JPH3: variants seen among roughly 807,000 people sequenced by gnomAD.
JPH3 encodes junctophilin-3.
JPH3 carries 11 observed loss-of-function variants against 59.6 expected under a neutral mutation model. That is an observed-to-expected ratio of 0.18 (90% CI 0.12 to 0.31). The LOEUF is 0.31. Among genes scored for constraint, JPH3 ranks in the 10% least tolerant of loss-of-function variants. JPH3 has a pLI of 1.00. For missense variants in JPH3, 1,202 were observed against 1,105.7 expected, an observed-to-expected ratio of 1.09 and a Z score of -1.24; for synonymous variants, 673 against 483.6, an observed-to-expected ratio of 1.39 and a Z score of -5.14.
intron 2 of JPH3, among the ~76,000 whole-genome samples, chr16:87,655,367 GTGACAGGGTGT>G (rs1252423851): frequency 3.2e-4 from 35 of 109,630 alleles, no homozygotes; most frequent in African/African-American, 8.9e-4. Context: ...GTTATTTTTT[GTGACAGGGTGT>G]TGTTCTGCTC....
chr16:87,662,374 A>AAACCAG (rs2032732252), intron 2 of JPH3, among the ~76,000 whole-genome samples: 1 of 152,070 alleles, frequency 6.6e-6, no homozygotes, highest in South Asian at 2.1e-4. Flanking sequence ...ACCAAAACCA[A>AAACCAG]AAGGACAGCC....
intron 1 of JPH3, among the ~76,000 whole-genome samples, chr16:87,623,370 C>G (rs2031259344): frequency 6.6e-6 from 1 of 152,200 alleles, no homozygotes; most frequent in African/African-American, 2.4e-5. Context: ...GGGCGTGAGG[C>G]TCATGGGGGG....
chr16:87,626,009 T>C (rs151298666), intron 1 of JPH3, among the ~76,000 whole-genome samples: 31 of 152,274 alleles, frequency 2.0e-4, no homozygotes, highest in African/African-American at 7.5e-4. Context: ...AATCTCCAGA[T>C]TGGCCACTCC....
intron 2 of JPH3, among the ~76,000 whole-genome samples, chr16:87,656,845 A>T (rs1188105025): frequency 6.6e-6 from 1 of 152,142 alleles, no homozygotes; most frequent in African/African-American, 2.4e-5. Flanking sequence ...TGAAAACTGG[A>T]CAGTCCAAAT....
Position 87,603,014 on chromosome 16 carries a change from G to A in JPH3, c.-133G>A, listed in dbSNP as rs1320302232. ...GCCGCGGCCGCCCGCGCCCGAGACC[G>A]CGCTCCGGGGCCGCGTCCTCCTCTC... On this transcript the variant is annotated 5_prime_UTR_variant, in exon 1 of 5. Transcript: ENST00000284262. 8.9e-7 allele frequency: 1 copy of A among 1,118,650 alleles called. No individual in the cohort carries two copies. The highest frequency in any genetic ancestry group is 1.6e-5 in the South Asian group (1 of 61,940). The allele number at this position is 1,118,650 out of a possible 1,614,324, so 69.3% of individuals were successfully genotyped here. A position where few individuals can be genotyped will look rare whatever the true frequency, so the allele number is the denominator to read the frequency against.
At chr16:87,640,557 G>GT (rs1289157707) in intron 1 of JPH3, among the ~76,000 whole-genome samples, 1 of 151,576 alleles carries the variant, frequency 6.6e-6, no homozygotes, top group Non-Finnish European at 1.5e-5. Context: ...TGCCTAGCTA[G>GT]TTTTTTTGTA....
chr16:87,638,399 T>C (rs949962602), intron 1 of JPH3, among the ~76,000 whole-genome samples: 6 of 151,294 alleles, frequency 4.0e-5, no homozygotes, highest in African/African-American at 1.5e-4. Context: ...GAGCACAGGG[T>C]GGGGGTGCTG....
intron 3 of JPH3, among the ~76,000 whole-genome samples, chr16:87,686,417 TGGAGGG>T (rs1178156068): frequency 2.5e-4 from 33 of 132,398 alleles, no homozygotes; most frequent in African/African-American, 3.9e-4. Flanking sequence ...AGATGCTTCC[TGGAGGG>T]CTCAGTTCTG....
chr16:87,668,221 C>T (rs1441940312), intron 2 of JPH3, among the ~76,000 whole-genome samples: 2 of 152,218 alleles, frequency 1.3e-5, no homozygotes, highest in Non-Finnish European at 2.9e-5. Context: ...CAGCCCTGCG[C>T]GGCTGCTGGA....
rs185182905 is a variant in JPH3 at position 87,664,925 on chromosome 16, C to T, written c.1161-19217C>T. 9.8e-5 allele frequency among the ~76,000 whole-genome samples: 15 copies of T among 152,336 alleles called. No individual in the cohort carries two copies. The East Asian group carries it at 2.1e-3, about 22-fold the overall frequency. On this transcript the variant is annotated intron_variant, in intron 2 of 4. Coordinates refer to ENST00000284262, the MANE Select transcript of JPH3 (RefSeq NM_020655.4). ...GTGCATCTCCAGGGTGAACCTGGCC[C>T]CTGCCCAGCGCATTTGCCTGTCCCC...
chr16:87,614,296 G>A (rs1403003818), intron 1 of JPH3, among the ~76,000 whole-genome samples: 2 of 151,668 alleles, frequency 1.3e-5, no homozygotes, highest in African/African-American at 4.9e-5. Context: ...GAGGAGCTGT[G>A]CGTCCCCTCC....
At chr16:87,612,666 A>T (rs2030773385) in intron 1 of JPH3, among the ~76,000 whole-genome samples, 4 of 152,156 alleles carry the variant, frequency 2.6e-5, no homozygotes, top group Admixed American at 2.6e-4. Context: ...GCAGCTGTAG[A>T]TAAGAGTTTT....
intron 4 of JPH3, chr16:87,696,014 T>A (rs544543848): frequency 4.4e-6 from 2 of 455,956 alleles, no homozygotes; most frequent in Non-Finnish European, 8.8e-6. Context: ...TTGGACACAG[T>A]CCTCCAGAGC....
chr16:87,639,574 T>C (rs1303713448), intron 1 of JPH3, among the ~76,000 whole-genome samples: 1 of 152,054 alleles, frequency 6.6e-6, no homozygotes, highest in African/African-American at 2.4e-5. Context: ...ACCGAAACTC[T>C]GTCCCACTAA....
intron 2 of JPH3, among the ~76,000 whole-genome samples, chr16:87,683,684 G>A (rs930144126): frequency 5.3e-5 from 8 of 151,652 alleles, no homozygotes; most frequent in Admixed American, 2.0e-4. Context: ...TCAGCTCACT[G>A]CAACCTCCAC....
intron 1 of JPH3, among the ~76,000 whole-genome samples, chr16:87,640,352 C>A (rs927922724): frequency 6.6e-6 from 1 of 151,374 alleles, no homozygotes; most frequent in East Asian, 2.0e-4. Context: ...TGTCCGGTTA[C>A]CTGTGCATGC....
intron 2 of JPH3, among the ~76,000 whole-genome samples, chr16:87,656,220 GA>G (rs1395100794): frequency 1.3e-5 from 2 of 152,234 alleles, no homozygotes; most frequent in Non-Finnish European, 2.9e-5. Context: ...TACAGCCCAG[GA>G]AACAGAGTCT....
intron 4 of JPH3, chr16:87,695,951 AGGT>A (rs1360992940): frequency 2.2e-6 from 1 of 455,748 alleles, no homozygotes; most frequent in Non-Finnish European, 4.4e-6. Flanking sequence ...CACTTCAGGG[AGGT>A]GGTGGCAGCA....
chr16:87,663,711 C>T (rs1289956041), intron 2 of JPH3, among the ~76,000 whole-genome samples: 1 of 152,170 alleles, frequency 6.6e-6, no homozygotes, highest in Non-Finnish European at 1.5e-5. Context: ...TCCACTGCCC[C>T]GTCTCTGCCA....
Sources: gnomAD v4.1 joint callset for allele counts (sites outside exome capture counted in the v4.1 genomes callset) on GRCh38, gnomAD v4.1.1 for gene constraint, MANE v1.5 for transcripts, NCBI Gene and HGNC (gene_info 2026-07-23, HGNC 2026-07-21) for gene names.